Variants in HS6ST2 observed in about 807,000 individuals in gnomAD.
HS6ST2 encodes heparan sulfate 6-O-sulfotransferase 2.
In HS6ST2, 17 loss-of-function variants were observed where a neutral mutation model predicts 33.0. The ratio of observed to expected loss-of-function variants is 0.52; its 90% confidence interval spans 0.35 to 0.77. The LOEUF (loss-of-function observed/expected upper bound fraction) is 0.77, where lower values mean the gene tolerates loss of function less well. Ranked by LOEUF, HS6ST2 falls within the 30% of genes least tolerant of loss-of-function variation. The pLI is 0.01. For synonymous variants in HS6ST2, 248 were observed against 237.1 expected (o/e 1.05, Z -0.42); for missense variants, 519 against 551.7 (o/e 0.94, Z 0.59).
In HS6ST2 at chrX:132,649,777, G is replaced by A. The variant is rs180989999; in HGVS notation, c.1067+19336C>T. On this transcript the variant is annotated intron_variant, in intron 4 of 4. Coordinates refer to ENST00000370833, the MANE Select transcript of HS6ST2 (RefSeq NM_001394073.1). ...GGAGGCTGAGGCAGGAGAATCTCTTGAACCCAGGAGGCGGAGGTTGCAGTA... is the reference window on the plus strand; with the variant it reads ...GGAGGCTGAGGCAGGAGAATCTCTTAAACCCAGGAGGCGGAGGTTGCAGTA... Among the ~76,000 whole-genome samples, 41 of 109,108 alleles carry A rather than the reference G, an allele frequency of 3.8e-4. 1 individual carries two copies. Among genetic ancestry groups the A allele is most frequent in the African/African-American group, 1.2e-3 (35 of 29,907 alleles). 94.7% of individuals were successfully genotyped at this position (109,108 alleles called of 115,157 possible). A position where few individuals can be genotyped will look rare whatever the true frequency, so the allele number is the denominator to read the frequency against.
chrX:132,800,219 T>C (rs926802952), intron 2 of HS6ST2, among the ~76,000 whole-genome samples: 1 of 111,379 alleles, frequency 9.0e-6, no homozygotes, highest in African/African-American at 3.3e-5. Flanking sequence ...GTAGTGGCAT[T>C]AGATTCTCAT....
intron 3 of HS6ST2, among the ~76,000 whole-genome samples, chrX:132,705,614 G>A (rs181364487): frequency 8.0e-4 from 89 of 111,805 alleles, no homozygotes; most frequent in Middle Eastern, 4.7e-3. Context: ...TGATATGCAC[G>A]ATCTCATTTT....
chrX:132,634,551 G>A (rs1451769306), intron 4 of HS6ST2, among the ~76,000 whole-genome samples: 2 of 112,013 alleles, frequency 1.8e-5, no homozygotes, highest in African/African-American at 3.2e-5. Context: ...ACAGTTAAAG[G>A]TTTACCACCT....
At chrX:132,779,679 C>CTCTCCTTCAGTATAAAACTGCCCT (rs200272957) in intron 2 of HS6ST2, among the ~76,000 whole-genome samples, 1 of 110,959 alleles carries the variant, frequency 9.0e-6, no homozygotes, top group African/African-American at 3.3e-5. Flanking sequence ...ATCTCCCCTG[C>CTCTCCTTCAGTATAAAACTGCCCT]CACGTCCAGA....
chrX:132,800,576 G>C (rs2065224895), intron 2 of HS6ST2, among the ~76,000 whole-genome samples: 1 of 110,864 alleles, frequency 9.0e-6, no homozygotes, highest in South Asian at 3.9e-4. Flanking sequence ...CTGCTGTAGA[G>C]CACCTCACTC....
chrX:132,647,016 C>T (rs1392746985), intron 4 of HS6ST2, among the ~76,000 whole-genome samples: 8 of 111,436 alleles, frequency 7.2e-5, no homozygotes, highest in Admixed American at 2.9e-4. Context: ...GTCCCTCCCA[C>T]GACGTATGGG....
chrX:132,734,329 C>T (rs1014059460), intron 2 of HS6ST2, among the ~76,000 whole-genome samples: 9 of 108,992 alleles, frequency 8.3e-5, no homozygotes, highest in Non-Finnish European at 1.1e-4. Context: ...ATAGGAATGT[C>T]CATGAGGTCT....
chrX:132,824,430 C>T (rs2065495970), intron 2 of HS6ST2, among the ~76,000 whole-genome samples: 1 of 112,336 alleles, frequency 8.9e-6, no homozygotes, highest in African/African-American at 3.2e-5. Flanking sequence ...AGTAGAAAAG[C>T]AGACAGTGTA....
chrX:132,946,179 G>A (rs1479106875), intron 2 of HS6ST2, among the ~76,000 whole-genome samples: 1 of 111,824 alleles, frequency 8.9e-6, no homozygotes. Flanking sequence ...TGGTGGGTCT[G>A]TAAACTAGTT....
rs753056465 is a variant in HS6ST2 at position 132,865,805 on chromosome X, G to A, written c.947+91003C>T. Among the ~76,000 whole-genome samples, 47 of 111,297 alleles carry A rather than the reference G, an allele frequency of 4.2e-4. 1 individual carries two copies. Among genetic ancestry groups the A allele is most frequent in the South Asian group, 3.8e-4 (1 of 2,645 alleles). On this transcript the variant is annotated intron_variant, in intron 2 of 4. Coordinates refer to ENST00000370833, the MANE Select transcript of HS6ST2 (RefSeq NM_001394073.1). Reference sequence around the variant, plus strand: ...TGAGAAGTGTCTGTTCATGTCCTTCGCCCACTTTTTGATGGGGTTGTTTGT... The same window carrying A: ...TGAGAAGTGTCTGTTCATGTCCTTCACCCACTTTTTGATGGGGTTGTTTGT...
intron 2 of HS6ST2, among the ~76,000 whole-genome samples, chrX:132,922,101 T>G (rs1419426128): frequency 1.8e-5 from 2 of 111,760 alleles, no homozygotes; most frequent in Non-Finnish European, 3.8e-5. Context: ...AAACACTCTT[T>G]CAAAAAACTT....
intron 4 of HS6ST2, among the ~76,000 whole-genome samples, chrX:132,636,005 C>G (rs1436131347): frequency 9.0e-6 from 1 of 111,088 alleles, no homozygotes; most frequent in South Asian, 3.8e-4. Context: ...TTAAGCACCC[C>G]CTTCTCTGCT....
chrX:132,691,218 ACTTAT>A (rs1253151406), intron 3 of HS6ST2, among the ~76,000 whole-genome samples: 1 of 111,599 alleles, frequency 9.0e-6, no homozygotes, highest in Non-Finnish European at 1.9e-5. Context: ...GAGCCTTCCT[ACTTAT>A]CTTGCAAAAT....
chrX:132,858,943 G>T, intron 2 of HS6ST2, among the ~76,000 whole-genome samples: 1 of 112,398 alleles, frequency 8.9e-6, no homozygotes, highest in Non-Finnish European at 1.9e-5. Flanking sequence ...CAAAGCACGG[G>T]CTGCATTTCA....
chrX:132,693,374 G>C (rs1442999461), intron 3 of HS6ST2, among the ~76,000 whole-genome samples: 1 of 111,939 alleles, frequency 8.9e-6, no homozygotes, highest in African/African-American at 3.3e-5. Flanking sequence ...AGACAGCAAA[G>C]AAAGCAGGAT....
At chrX:132,712,047 A>T (rs1379252540) in intron 2 of HS6ST2, among the ~76,000 whole-genome samples, 4 of 111,769 alleles carry the variant, frequency 3.6e-5, no homozygotes, top group Non-Finnish European at 5.6e-5. Flanking sequence ...TGTTTGGGTC[A>T]GATTGCAAAT....
chrX:132,764,258 G>C (rs1341249974), intron 2 of HS6ST2, among the ~76,000 whole-genome samples: 1 of 112,244 alleles, frequency 8.9e-6, no homozygotes, highest in African/African-American at 3.2e-5. Context: ...CAACTGACAT[G>C]CCCAAGGTCA....
Position 132,628,679 on chromosome X carries a change from C to T in HS6ST2, c.1482G>A (p.Ser494=), listed in dbSNP as rs1444555533. Residue 494 remains serine, a synonymous_variant, in exon 5 of 5, where the codon TCG becomes TCA. Coordinates refer to ENST00000370833, the MANE Select transcript of HS6ST2 (RefSeq NM_001394073.1). ...FEKTFNMNFI[S]PFTQYNTTRA... is the part of the protein sequence containing the mutation. The stretch of plus-strand genomic sequence containing the variant: ...TAGTGGTATTATACTGGGTAAATGG[C>T]GAAATAAAGTTCATGTTGAAGGTTT... 3.3e-6 allele frequency: 4 copies of T among 1,211,207 alleles called. No individual in the cohort carries two copies. Among genetic ancestry groups the T allele is most frequent in the East Asian group, 3.0e-5 (1 of 33,827 alleles).
intron 3 of HS6ST2, among the ~76,000 whole-genome samples, chrX:132,690,125 C>A (rs1369934701): frequency 8.9e-6 from 1 of 112,223 alleles, no homozygotes; most frequent in Non-Finnish European, 1.9e-5. Flanking sequence ...TGTGTTCCAA[C>A]AAAACTTTAT....
Sources: allele counts gnomAD v4.1 joint callset (sites outside exome capture counted in the v4.1 genomes callset), GRCh38; gene constraint gnomAD v4.1.1; transcripts MANE v1.5; gene names NCBI Gene and HGNC (gene_info 2026-07-23, HGNC 2026-07-21).